The following NALF1 variants were observed in gnomAD, a reference collection of about 807,000 sequenced individuals.
The protein encoded by NALF1 is NALCN channel auxiliary factor 1.
A neutral mutation model predicts 48.4 loss-of-function variants in NALF1; 3 were observed. The observed-to-expected ratio is 0.06, with a 90% CI of 0.03 to 0.16. NALF1 has a LOEUF of 0.16. Ranked by LOEUF, NALF1 falls within the 10% of genes least tolerant of loss-of-function variation. The probability of loss-of-function intolerance (pLI) is 1.00; values close to 1 mark genes in which losing one functional copy is unlikely to be tolerated. For missense variants in NALF1, 526 were observed against 571.5 expected (o/e 0.92, Z 0.81); for synonymous variants, 262 against 245.7 (o/e 1.07, Z -0.62).
chr13:107,233,841 C>G lies in NALF1; in HGVS notation c.916-23086G>C, dbSNP rs566057633. ...GCTTAAAATACATACATACAGAGTG[C>G]TTTTTAGTTACATCACTGATCAAAT... On this transcript the variant is annotated intron_variant, in intron 1 of 2. Transcript: ENST00000375915. Among the ~76,000 whole-genome samples, 28 of 152,262 alleles carry G rather than the reference C, an allele frequency of 1.8e-4. 1 individual carries two copies. The highest frequency in any genetic ancestry group is 6.7e-4 in the African/African-American group (28 of 41,554).
chr13:107,167,504 A>G lies in NALF1; in HGVS notation c.*2993T>C, dbSNP rs563871095. 6.6e-6 allele frequency: 1 copy of G among 152,348 alleles called. No homozygotes were observed. 9.4% of individuals were successfully genotyped at this position (152,348 alleles called of 1,614,324 possible). A position where few individuals can be genotyped will look rare whatever the true frequency, so the allele number is the denominator to read the frequency against. ...CTTTGCTTCAACATGTCCAGTGGAA[A>G]TATTGCGGGAAAGTGGTTACACACT... On this transcript the variant is annotated 3_prime_UTR_variant, in exon 3 of 3. Transcript: ENST00000375915.
chr13:107,836,918 C>G (rs1344214417), intron 1 of NALF1, among the ~76,000 whole-genome samples: 2 of 152,168 alleles, frequency 1.3e-5, no homozygotes, highest in African/African-American at 4.8e-5. Flanking sequence ...TAGGATGACA[C>G]TAACGGGAAG....
intron 1 of NALF1, among the ~76,000 whole-genome samples, chr13:107,657,431 T>C (rs1191313480): frequency 1.3e-5 from 2 of 152,178 alleles, no homozygotes; most frequent in African/African-American, 4.8e-5. Flanking sequence ...TTTGTGCATA[T>C]GTTTGCACGG....
intron 1 of NALF1, among the ~76,000 whole-genome samples, chr13:107,807,493 T>C (rs751903154): frequency 9.2e-5 from 14 of 152,216 alleles, no homozygotes; most frequent in African/African-American, 3.1e-4. Context: ...ATTGAGCCAG[T>C]AGATGGCTGC....
intron 1 of NALF1, among the ~76,000 whole-genome samples, chr13:107,646,367 G>C (rs1011346971): frequency 6.6e-6 from 1 of 150,678 alleles, no homozygotes; most frequent in Admixed American, 6.6e-5. Context: ...AATAACAGTA[G>C]TATCTTCCAA....
At chr13:107,244,894 A>T (rs1880549068) in intron 1 of NALF1, among the ~76,000 whole-genome samples, 2 of 152,306 alleles carry the variant, frequency 1.3e-5, no homozygotes, top group South Asian at 2.1e-4. Context: ...ATTGATCATC[A>T]GTAGGTAGTG....
chr13:107,762,506 A>G lies in NALF1; in HGVS notation c.915+103176T>C, dbSNP rs372951295. Among the ~76,000 whole-genome samples, 6 of 152,284 alleles carry G rather than the reference A, an allele frequency of 3.9e-5. No individual in the cohort carries two copies. The East Asian group carries it at 9.7e-4, about 25-fold the overall frequency. ...GAGAGCACCCCAGGCAATGAGAAGG[A>G]TGTGAGTGAAGATCTGAACTGGGAT... On this transcript the variant is annotated intron_variant, in intron 1 of 2. Coordinates refer to ENST00000375915, the MANE Select transcript of NALF1 (RefSeq NM_001080396.3).
At chr13:107,174,358 TA>T (rs1318724858) in intron 2 of NALF1, among the ~76,000 whole-genome samples, 49 of 69,692 alleles carry the variant, frequency 7.0e-4, no homozygotes, top group Non-Finnish European at 1.1e-3. Flanking sequence ...TTTATTTATT[TA>T]TTTATTTTTT....
At chr13:107,378,733 C>T (rs570902247) in intron 1 of NALF1, among the ~76,000 whole-genome samples, 3 of 151,984 alleles carry the variant, frequency 2.0e-5, no homozygotes, top group South Asian at 2.1e-4. Context: ...AATGTATTTC[C>T]GTTGAACAAT....
chr13:107,601,829 TA>T lies in NALF1; in HGVS notation c.915+263852del, dbSNP rs145479209. Among the ~76,000 whole-genome samples the T allele has an allele frequency of 0.025, 3,768 of 149,102 alleles. 221 individuals are homozygous for T. In the East Asian group the frequency reaches 0.26, roughly 10 times the overall value. On this transcript the variant is annotated intron_variant, in intron 1 of 2. Transcript: ENST00000375915. Reference sequence around the variant, plus strand: ...TTCTTCATATAGACATATTCTTAGCTAAAAAAAAAATGCTGTTACTTAAACC... The same window carrying T: ...TTCTTCATATAGACATATTCTTAGCTAAAAAAAAATGCTGTTACTTAAACC...
At chr13:107,837,933 G>A (rs977549525) in intron 1 of NALF1, among the ~76,000 whole-genome samples, 2 of 150,938 alleles carry the variant, frequency 1.3e-5, no homozygotes, top group Non-Finnish European at 2.9e-5. Flanking sequence ...AAAAAAACAC[G>A]GTAAAAAAAC....
rs532117787 is a variant in NALF1 at position 107,755,688 on chromosome 13, G to C, written c.915+109994C>G. Among the ~76,000 whole-genome samples the C allele has an allele frequency of 4.6e-5, 7 of 151,998 alleles. No homozygotes were observed. The East Asian group carries it at 1.4e-3, about 29-fold the overall frequency. On this transcript the variant is annotated intron_variant, in intron 1 of 2. Transcript: ENST00000375915. ...GCTGTCCAGAATTAATTCTACATAT[G>C]TTTGATTGCACATGCTTCACACACA...
At chr13:107,734,554 G>A (rs962987408) in intron 1 of NALF1, among the ~76,000 whole-genome samples, 4 of 152,020 alleles carry the variant, frequency 2.6e-5, no homozygotes, top group South Asian at 2.1e-4. Flanking sequence ...TTTTAAAGCC[G>A]TGGTACATAG....
rs949113723 is a variant in NALF1, at chr13:107,165,020, T to C, written c.*5477A>G. On this transcript the variant is annotated 3_prime_UTR_variant, in exon 3 of 3. Coordinates refer to ENST00000375915, the MANE Select transcript of NALF1 (RefSeq NM_001080396.3). ...TATTCTTCTTGCATGAGGTGTCACG[T>C]ACAAATACATCATTGACCTCCCTGT... 4 of 152,200 alleles carry C rather than the reference T, an allele frequency of 2.6e-5. No homozygotes were observed. The highest frequency in any genetic ancestry group is 4.4e-5 in the Non-Finnish European group (3 of 68,032). 9.4% of individuals were successfully genotyped at this position (152,200 alleles called of 1,614,324 possible). A position where few individuals can be genotyped will look rare whatever the true frequency, so the allele number is the denominator to read the frequency against.
intron 1 of NALF1, among the ~76,000 whole-genome samples, chr13:107,818,765 G>A (rs1039435663): frequency 7.0e-5 from 10 of 142,500 alleles, no homozygotes; most frequent in East Asian, 4.3e-4. Context: ...CCAGCTACTC[G>A]GGAGGCTGAG....
At chr13:107,517,260 G>GA (rs540216262) in intron 1 of NALF1, among the ~76,000 whole-genome samples, 2 of 151,796 alleles carry the variant, frequency 1.3e-5, no homozygotes, top group South Asian at 2.1e-4. Flanking sequence ...TAAAAGAAAA[G>GA]AAAAAAATGA....
intron 2 of NALF1, among the ~76,000 whole-genome samples, chr13:107,189,289 T>C (rs1361853512): frequency 6.6e-6 from 1 of 152,194 alleles, no homozygotes; most frequent in African/African-American, 2.4e-5. Context: ...CACTGCAAAA[T>C]ATCACATTTC....
chr13:107,502,370 T>G (rs1566368202), intron 1 of NALF1, among the ~76,000 whole-genome samples: 2 of 152,188 alleles, frequency 1.3e-5, no homozygotes, highest in Non-Finnish European at 2.9e-5. Flanking sequence ...TTAAATTCCT[T>G]GGTAGATTTT....
intron 1 of NALF1, among the ~76,000 whole-genome samples, chr13:107,605,332 T>G (rs1330119017): frequency 6.6e-6 from 1 of 152,196 alleles, no homozygotes; most frequent in Non-Finnish European, 1.5e-5. Flanking sequence ...TACATCCTCC[T>G]GCTCTCTTTC....
Sources: gnomAD v4.1 joint callset for allele counts (sites outside exome capture counted in the v4.1 genomes callset) on GRCh38, gnomAD v4.1.1 for gene constraint, MANE v1.5 for transcripts, NCBI Gene and HGNC (gene_info 2026-07-23, HGNC 2026-07-21) for gene names.